The following TMCO5A variants were observed in gnomAD, a reference collection of about 807,000 sequenced individuals.
The protein encoded by TMCO5A is transmembrane and coiled-coil domain-containing protein 5A.
In TMCO5A, 34 loss-of-function variants were observed where a neutral mutation model predicts 42.3. The ratio of observed to expected loss-of-function variants is 0.80; its 90% CI spans 0.61 to 1.07. TMCO5A has a LOEUF of 1.07. Ranked by LOEUF, TMCO5A falls within the 50% of genes least tolerant of loss-of-function variation. The pLI, the probability that TMCO5A is intolerant of heterozygous loss-of-function variation, is 0.00. For synonymous variants in TMCO5A, 131 were observed against 115.6 expected (o/e 1.13, Z -0.86); for missense variants, 357 against 327.9 (o/e 1.09, Z -0.69).
intron 5 of TMCO5A, 39 bp from the exon 6 acceptor site, chr15:37,938,119 C>T (rs777704144): frequency 1.3e-6 from 2 of 1,515,592 alleles, no homozygotes; most frequent in Admixed American, 2.0e-5. Flanking sequence ...TTGCCTTCTA[C>T]ACCTTTTAAT....
At chr15:37,988,264 C>T in the TMCO5A span, among the ~76,000 whole-genome samples, 6 of 151,866 alleles carry the variant, frequency 4.0e-5, no homozygotes, top group African/African-American at 9.7e-5. Flanking sequence ...TTAGAGTTTT[C>T]CATGTATAAA....
chr15:37,955,944 C>T (rs1485202906), downstream of TMCO5A, among the ~76,000 whole-genome samples: 1 of 152,156 alleles, frequency 6.6e-6, no homozygotes, highest in Non-Finnish European at 1.5e-5. Flanking sequence ...AAGAAAGTCA[C>T]TCAAAGCCAC....
At chr15:37,961,069 T>A (rs185701755) in intron 11 of TMCO5A, among the ~76,000 whole-genome samples, 5 of 152,108 alleles carry the variant, frequency 3.3e-5, no homozygotes, top group Non-Finnish European at 5.9e-5. Context: ...TTTATCTTTG[T>A]TTTTATTGCA....
the TMCO5A span, among the ~76,000 whole-genome samples, chr15:38,018,536 A>C: frequency 1.3e-5 from 2 of 152,228 alleles, no homozygotes; most frequent in Admixed American, 1.3e-4. Flanking sequence ...GCCTGTAAAA[A>C]CAAGTAATAG....
At chr15:37,995,231 TA>T in the TMCO5A span, among the ~76,000 whole-genome samples, 19 of 149,850 alleles carry the variant, frequency 1.3e-4, no homozygotes, top group African/African-American at 3.7e-4. Flanking sequence ...ACTACAGAGG[TA>T]AAAAAAAAAT....
the TMCO5A span, among the ~76,000 whole-genome samples, chr15:37,982,632 A>G: frequency 1.4e-5 from 2 of 138,602 alleles, no homozygotes; most frequent in Admixed American, 7.3e-5. Flanking sequence ...TATCTAACAT[A>G]TAATATAGAT....
At chr15:37,935,980 A>T in intron 2 of TMCO5A, 1 of 170,116 alleles carries the variant, frequency 5.9e-6, no homozygotes. Flanking sequence ...TGAATAGTTT[A>T]TCTAAGAAAA....
chr15:37,969,408 G>C (rs767139651), downstream of TMCO5A, among the ~76,000 whole-genome samples: 68 of 152,284 alleles, frequency 4.5e-4, no homozygotes, highest in Admixed American at 1.4e-3. Context: ...GCAATTATTA[G>C]AGTAGTGCAC....
chr15:38,038,468 C>T, the TMCO5A span, among the ~76,000 whole-genome samples: 11 of 150,276 alleles, frequency 7.3e-5, no homozygotes, highest in Non-Finnish European at 1.5e-5. Flanking sequence ...GCAGTGGCTG[C>T]GATCTCGGCT....
the TMCO5A span, among the ~76,000 whole-genome samples, chr15:37,981,079 C>A: frequency 6.6e-6 from 1 of 151,592 alleles, no homozygotes; most frequent in East Asian, 1.9e-4. Context: ...AACATTTTCC[C>A]TTTTGTTGTT....
At chr15:37,943,863 G>A (rs906103821) in intron 10 of TMCO5A, 3 of 155,202 alleles carry the variant, frequency 1.9e-5, no homozygotes, top group Non-Finnish European at 2.9e-5. Context: ...GAACGCTATT[G>A]CTTCTTTGTG....
At chr15:37,936,812 C>G in intron 3 of TMCO5A, 35 bp from the exon 4 acceptor site, 2 of 1,608,504 alleles carry the variant, frequency 1.2e-6, no homozygotes, top group South Asian at 1.1e-5. Context: ...AACTGCCAAG[C>G]ATGGGTCCTC....
chr15:37,978,833 G>A, the TMCO5A span, among the ~76,000 whole-genome samples: 1 of 152,156 alleles, frequency 6.6e-6, no homozygotes, highest in African/African-American at 2.4e-5. Context: ...CGGCTAGGAA[G>A]CATGGCGGCA....
At chr15:37,954,546 A>C (rs532356751), downstream of TMCO5A, among the ~76,000 whole-genome samples, 2 of 152,180 alleles carry the variant, frequency 1.3e-5, no homozygotes, top group African/African-American at 4.8e-5. Context: ...TCTACAAGAA[A>C]TGCTAAAGGG....
the TMCO5A span, among the ~76,000 whole-genome samples, chr15:37,980,382 A>G: frequency 2.3e-4 from 35 of 152,146 alleles, no homozygotes; most frequent in African/African-American, 8.4e-4. Flanking sequence ...CCAGGCTCCA[A>G]GCAGCTCATG....
At chr15:38,027,808 GGT>G in the TMCO5A span, among the ~76,000 whole-genome samples, 1 of 152,252 alleles carries the variant, frequency 6.6e-6, no homozygotes, top group Admixed American at 6.5e-5. Context: ...CAGATCTGAT[GGT>G]TTTGCAAGGG....
chr15:37,992,828 C>G, the TMCO5A span, among the ~76,000 whole-genome samples: 23 of 152,076 alleles, frequency 1.5e-4, no homozygotes, highest in African/African-American at 5.6e-4. Flanking sequence ...AGGGGAACAT[C>G]AGACACTGGG....
chr15:37,990,934 A>T, the TMCO5A span, among the ~76,000 whole-genome samples: 215 of 152,072 alleles, frequency 1.4e-3, 1 homozygote, highest in Admixed American at 3.8e-3. Context: ...CCTTTCAGTT[A>T]TTGATCACAA....
At chr15:38,038,060 ATG>A in the TMCO5A span, among the ~76,000 whole-genome samples, 1 of 152,172 alleles carries the variant, frequency 6.6e-6, no homozygotes. Context: ...GTTAAAGTAA[ATG>A]AAATCAACTA....
Sources: gnomAD v4.1 joint callset for allele counts (sites outside exome capture counted in the v4.1 genomes callset) on GRCh38, gnomAD v4.1.1 for gene constraint, MANE v1.5 for transcripts, NCBI Gene and HGNC (gene_info 2026-07-23, HGNC 2026-07-21) for gene names.